VPS16: variants seen among roughly 807,000 people sequenced by gnomAD.
The protein encoded by VPS16 is vacuolar protein sorting-associated protein 16 homolog.
In VPS16, 82 loss-of-function variants were observed where a neutral mutation model predicts 116.0. That is an observed-to-expected ratio of 0.71 (90% CI 0.59 to 0.85). The LOEUF (loss-of-function observed/expected upper bound fraction) is 0.85. Among genes scored for constraint, VPS16 ranks in the 40% least tolerant of loss-of-function variants. The probability of loss-of-function intolerance (pLI) is 0.00; values close to 1 mark genes in which losing one functional copy is unlikely to be tolerated. For synonymous variants in VPS16, 406 were observed against 420.7 expected (o/e 0.96, Z 0.43); for missense variants, 928 against 1,090.6 (o/e 0.85, Z 2.10).
rs1380665072 is a variant in VPS16, at chr20:2,862,696, A to C, written c.1189A>C (p.Lys397Gln). Residue 397 changes from lysine (K) to glutamine (Q), a missense_variant, in exon 12 of 24, where the codon AAG becomes CAG. Coordinates refer to ENST00000380445, the MANE Select transcript of VPS16 (RefSeq NM_022575.4). ...ACATGAGCACCAGCCAGACATGCAG[A>C]AGAGTCTGCTCAGGGTTGGCCTGGA... ...AGHEHQPDMQ[K>Q]SLLRAASFGK... 6.5e-7 allele frequency: 1 copy of C among 1,530,904 alleles called. No homozygotes were observed. Among genetic ancestry groups the C allele is most frequent in the African/African-American group, 1.4e-5 (1 of 71,150 alleles). The allele number at this position is 1,530,904 out of a possible 1,614,324, so 94.8% of individuals were successfully genotyped here.
rs375554303 is a variant in VPS16, at chr20:2,861,646, G to A, written c.841G>A (p.Val281Met). 235 of 1,613,090 alleles carry A rather than the reference G, an allele frequency of 1.5e-4. No homozygotes were observed. Among genetic ancestry groups the A allele is most frequent in the East Asian group, 4.7e-4 (21 of 44,862 alleles). ...CCGTCCTCGTAGCAAGGAGAGGGCC[G>A]TGGTGGTGGCCTGGGAAAGGCGGCT... ...CSRPRSKERA[V>M]VVAWERRLMV... Residue 281 changes from valine to methionine, a missense_variant, in exon 9 of 24, where the codon GTG becomes ATG. Physicochemically the swap from Val to Met is conservative, Grantham distance 21 (BLOSUM62 1). Transcript: ENST00000380445.
intron 1 of VPS16, among the ~76,000 whole-genome samples, chr20:2,858,373 C>T (rs2089195839): frequency 6.6e-6 from 1 of 152,170 alleles, no homozygotes; most frequent in Admixed American, 6.5e-5. Context: ...CCCTAAAGTG[C>T]TCAGATTACA....
intron 1 of VPS16, among the ~76,000 whole-genome samples, chr20:2,841,611 T>C (rs1034526591): frequency 6.6e-6 from 1 of 152,236 alleles, no homozygotes; most frequent in African/African-American, 2.4e-5. Flanking sequence ...TCAAGGGTTC[T>C]TTCTGGAACT....
In VPS16 at chr20:2,860,988, C is replaced by T; in HGVS notation, c.649C>T (p.Pro217Ser). Residue 217 changes from proline to serine, a missense_variant, in exon 7 of 24, where the codon CCA (proline) becomes TCA (serine). By Grantham distance (74) the Pro-to-Ser change is moderately conservative. Transcript: ENST00000380445. This position sits in a 1 kb window ranked among gnomAD's most constrained non-coding sequence, Gnocchi z 6.1. Reference protein sequence around the residue: ...CSAVTPPGLAPGVSSFLQMAV... With the variant: ...CSAVTPPGLASGVSSFLQMAV... ...GCCTCAGACGCCCCCTGGCCTGGCC[C>T]CAGGAGTAAGCAGCTTCCTACAGAT... 6.2e-7 allele frequency: 1 copy of T among 1,614,178 alleles called. No individual in the cohort carries two copies. Among genetic ancestry groups the T allele is most frequent in the Non-Finnish European group, 8.5e-7 (1 of 1,180,042 alleles).
chr20:2,856,986 T>C (rs202107469), intron 1 of VPS16, among the ~76,000 whole-genome samples: 3 of 41,512 alleles, frequency 7.2e-5, no homozygotes, highest in East Asian at 1.1e-3. Flanking sequence ...TTTTCTTTTT[T>C]TTTTTTTTTG....
chr20:2,866,685 G>C lies in VPS16; in HGVS notation c.*111G>C. On this transcript the variant is annotated 3_prime_UTR_variant, in exon 24 of 24. Transcript: ENST00000380445. ...CCCTAGAGCAATGCTGAGGAGCGGG[G>C]GCATGGTAGCAGGGCTGTCTGGTTT... is the stretch of plus-strand genomic sequence containing the variant. The C allele has an allele frequency of 6.8e-7, 1 of 1,480,522 alleles. No homozygotes were observed. The highest frequency in any genetic ancestry group is 2.3e-5 in the East Asian group (1 of 43,916). 91.7% of individuals were successfully genotyped at this position (1,480,522 alleles called of 1,614,324 possible). A position where few individuals can be genotyped will look rare whatever the true frequency, so the allele number is the denominator to read the frequency against.
At chr20:2,859,458 A>G (rs948505574) in intron 1 of VPS16, among the ~76,000 whole-genome samples, 2 of 152,138 alleles carry the variant, frequency 1.3e-5, no homozygotes, top group Non-Finnish European at 2.9e-5. Flanking sequence ...AGCTCCTGCC[A>G]TCCTTGGACA....
At chr20:2,851,403 G>T (rs1012045179) in intron 1 of VPS16, among the ~76,000 whole-genome samples, 3 of 151,986 alleles carry the variant, frequency 2.0e-5, no homozygotes, top group Non-Finnish European at 4.4e-5. Context: ...GAGGTTGGGG[G>T]TTCGAGATCA....
At chr20:2,844,023 C>CACAGAG (rs2089034797) in intron 1 of VPS16, among the ~76,000 whole-genome samples, 1 of 152,150 alleles carries the variant, frequency 6.6e-6, no homozygotes. Flanking sequence ...GAAGCCGAGG[C>CACAGAG]ACAGAGAGGC....
In VPS16 at chr20:2,864,693, G is replaced by A. The variant is rs1032146661; in HGVS notation, c.1926+39G>A. 5 of 1,600,304 alleles carry A rather than the reference G, an allele frequency of 3.1e-6. No homozygotes were observed. In the African/African-American group the frequency reaches 6.7e-5, roughly 21 times the overall value. ...GGGGCGTGTGGGGCGTGTGGGGCAT[G>A]TGGGCTGGGGCTGTTGGTCCGGTTC... On this transcript the variant is annotated intron_variant, in intron 19 of 23. Coordinates refer to ENST00000380445, the MANE Select transcript of VPS16 (RefSeq NM_022575.4). The surrounding 1 kb of genome is among the most constrained non-coding windows in gnomAD (Gnocchi z 5.2).
At chr20:2,854,699 G>A (rs1287685460) in intron 1 of VPS16, among the ~76,000 whole-genome samples, 2 of 151,190 alleles carry the variant, frequency 1.3e-5, no homozygotes, top group Non-Finnish European at 2.9e-5. Context: ...AGGAGGCCGA[G>A]GCAGGATAAT....
rs2089262453 is a variant in VPS16, at chr20:2,863,290, G to C, written c.1368G>C (p.Arg456Ser). Reference sequence around the variant, plus strand: ...ATCCTTTACCCACCGGGTCTACCAGGCTCGTGTTGCGGAGACTTTACCCCC... The same window carrying C: ...ATCCTTTACCCACCGGGTCTACCAGCCTCGTGTTGCGGAGACTTTACCCCC... ...KQLTIQVLLD[R>S]LVLRRLYPLA... The change falls in exon 15 of 24, where the codon AGG becomes AGC. Residue 456 changes from arginine to serine, a missense_variant and splice_region_variant. Physicochemically the swap from Arg to Ser is moderately radical, Grantham distance 110. Transcript: ENST00000380445. The surrounding 1 kb of genome is among the most constrained non-coding windows in gnomAD (Gnocchi z 4.4). The C allele has an allele frequency of 6.2e-7, 1 of 1,614,020 alleles. No homozygotes were observed. Among genetic ancestry groups the C allele is most frequent in the South Asian group, 1.1e-5 (1 of 91,088 alleles).
chr20:2,846,462 A>C (rs1042718100), intron 1 of VPS16, among the ~76,000 whole-genome samples: 1 of 152,088 alleles, frequency 6.6e-6, no homozygotes, highest in African/African-American at 2.4e-5. Flanking sequence ...CCAGAAGTGG[A>C]ATTGCTAGAT....
chr20:2,847,262 A>G (rs1830853502), intron 1 of VPS16, among the ~76,000 whole-genome samples: 1 of 151,980 alleles, frequency 6.6e-6, no homozygotes, highest in African/African-American at 2.4e-5. Flanking sequence ...GACCAACTGC[A>G]CTGCTCCCTG....
At chr20:2,859,277 AG>A (rs2089202782) in intron 1 of VPS16, among the ~76,000 whole-genome samples, 1 of 152,180 alleles carries the variant, frequency 6.6e-6, no homozygotes, top group South Asian at 2.1e-4. Context: ...CAACACACTG[AG>A]ACCCTCTCTC....
chr20:2,862,469 G>A, intron 11 of VPS16, 110 bp from the exon 12 acceptor site: 2 of 1,521,490 alleles, frequency 1.3e-6, no homozygotes, highest in Non-Finnish European at 1.8e-6. Flanking sequence ...GCTCCAGCCT[G>A]TGCAGCTCCT....
At position 2,860,647 on chromosome 20, in the gene VPS16, G is replaced by C. The variant is rs1366065922; in HGVS notation, c.514+54G>C. 5 of 1,610,740 alleles carry C rather than the reference G, an allele frequency of 3.1e-6. No individual in the cohort carries two copies. The highest frequency in any genetic ancestry group is 4.2e-6 in the Non-Finnish European group (5 of 1,178,492). ...AGCAGTACCCACAGATGTGCCTCTAGCCTGTGAGACCCATAAAAACAGAAG... is the reference window on the plus strand; with the variant it reads ...AGCAGTACCCACAGATGTGCCTCTACCCTGTGAGACCCATAAAAACAGAAG... On this transcript the variant is annotated intron_variant, in intron 5 of 23. Coordinates refer to ENST00000380445, the MANE Select transcript of VPS16 (RefSeq NM_022575.4). The surrounding 1 kb of genome is among the most constrained non-coding windows in gnomAD (Gnocchi z 6.1).
At chr20:2,859,963 T>TGG in intron 2 of VPS16, 91 bp from the exon 3 acceptor site, 1 of 1,544,088 alleles carries the variant, frequency 6.5e-7, no homozygotes, top group Admixed American at 1.7e-5. Context: ...CTGCTTCACA[T>TGG]GGGGTGGGCC....
intron 8 of VPS16, 114 bp downstream of exon 8, chr20:2,861,394 T>C: frequency 6.6e-7 from 1 of 1,520,174 alleles, no homozygotes; most frequent in African/African-American, 1.4e-5. Context: ...AGTTTGGATC[T>C]TACCTTCTCT....
Sources: gnomAD v4.1 joint callset for allele counts (sites outside exome capture counted in the v4.1 genomes callset) on GRCh38, gnomAD v4.1.1 for gene constraint, Gnocchi (gnomAD v3.1) non-coding constraint, MANE v1.5 for transcripts, NCBI Gene and HGNC (gene_info 2026-07-23, HGNC 2026-07-21) for gene names.